Variants in HEATR5B observed in about 807,000 individuals in gnomAD.
HEATR5B encodes the protein HEAT repeat-containing protein 5B.
In HEATR5B, 156 loss-of-function variants were observed where a neutral mutation model predicts 224.1. That is an observed-to-expected ratio of 0.70 (90% CI 0.61 to 0.80). HEATR5B has a LOEUF of 0.80. Among genes scored for constraint, HEATR5B ranks in the 30% least tolerant of loss-of-function variants. The pLI, the probability that HEATR5B is intolerant of heterozygous loss-of-function variation, is 0.00. For missense variants in HEATR5B, 2,323 were observed against 2,535.5 expected, an observed-to-expected ratio of 0.92 and a Z score of 1.80; for synonymous variants, 1,027 against 893.0, an observed-to-expected ratio of 1.15 and a Z score of -2.68.
chr2:37,053,608 C>G lies in HEATR5B; in HGVS notation c.2400-1G>C. 1 of 1,576,840 alleles carries G rather than the reference C, an allele frequency of 6.3e-7. No homozygotes were observed. Among genetic ancestry groups the G allele is most frequent in the Non-Finnish European group, 8.7e-7 (1 of 1,154,580 alleles). ...AGCAAAGTGATCCAACATTTGTAAT[C>G]TATAACAATAAGAAAAAAAAATCAC... On this transcript the variant is annotated splice_acceptor_variant, in intron 16 of 35. Transcript: ENST00000233099. LOFTEE classifies it high-confidence loss of function.
intron 24 of HEATR5B, among the ~76,000 whole-genome samples, chr2:37,023,709 C>G (rs1325271572): frequency 1.3e-5 from 2 of 152,036 alleles, no homozygotes. Context: ...ACCCAGGAGG[C>G]TGAGGCTGCA....
intron 22 of HEATR5B, among the ~76,000 whole-genome samples, chr2:37,030,361 G>C (rs1436802531): frequency 6.6e-6 from 1 of 152,200 alleles, no homozygotes; most frequent in Non-Finnish European, 1.5e-5. Context: ...GCAGTAGATA[G>C]TGAATATTTT....
intron 33 of HEATR5B, among the ~76,000 whole-genome samples, chr2:36,993,800 G>A (rs4670647): frequency 0.54 from 81,671 of 151,562 alleles, 22,255 homozygotes; most frequent in East Asian, 0.67. Flanking sequence ...TTCCTGCCAA[G>A]ATGCATACAT....
At chr2:37,006,354 A>ATTT (rs1351899671) in intron 29 of HEATR5B, among the ~76,000 whole-genome samples, 1 of 152,226 alleles carries the variant, frequency 6.6e-6, no homozygotes, top group East Asian at 1.9e-4. Flanking sequence ...AAATGTTAAA[A>ATTT]AAGCATCTAT....
chr2:37,020,594 A>G, intron 25 of HEATR5B, 61 bp downstream of exon 25: 1 of 1,273,458 alleles, frequency 7.9e-7, no homozygotes. Flanking sequence ...GGAAGTCTGC[A>G]CTTCTTCAGC....
chr2:37,051,030 G>C (rs1207445080), intron 17 of HEATR5B, among the ~76,000 whole-genome samples: 1 of 151,960 alleles, frequency 6.6e-6, no homozygotes, highest in African/African-American at 2.4e-5. Context: ...TGGCGACAGA[G>C]TGAGACTCCG....
At chr2:37,034,379 C>T (rs1194479065) in intron 21 of HEATR5B, among the ~76,000 whole-genome samples, 4 of 140,188 alleles carry the variant, frequency 2.9e-5, no homozygotes, top group African/African-American at 7.7e-5. Flanking sequence ...TTTGGGAGGC[C>T]GAGGCGGGCG....
chr2:37,077,757 C>G (rs1672322350), intron 3 of HEATR5B, among the ~76,000 whole-genome samples: 1 of 152,162 alleles, frequency 6.6e-6, no homozygotes, highest in South Asian at 2.1e-4. Flanking sequence ...TTTTATATGT[C>G]TCTATCTTGT....
rs750565370 is a variant in HEATR5B, at chr2:37,084,304, G to A, written c.-58C>T. On this transcript the variant is annotated 5_prime_UTR_variant, in exon 1 of 36. Transcript: ENST00000233099. ...GGAAGGGAAGATCAGCTGAGCTCCG[G>A]GGGTAGAAGCAGCCACCAAGAGACC... is the stretch of plus-strand genomic sequence containing the variant. 2.5e-6 allele frequency: 1 copy of A among 397,764 alleles called. No individual in the cohort carries two copies. The highest frequency in any genetic ancestry group is 4.4e-6 in the Non-Finnish European group (1 of 226,460). 24.6% of individuals were successfully genotyped at this position (397,764 alleles called of 1,614,324 possible).
At chr2:37,027,225 T>C (rs1427024877) in intron 24 of HEATR5B, among the ~76,000 whole-genome samples, 2 of 152,212 alleles carry the variant, frequency 1.3e-5, no homozygotes, top group Non-Finnish European at 2.9e-5. Context: ...TCTTCAGATA[T>C]TTAAAAAATG....
rs953588821 is a variant in HEATR5B, at chr2:37,005,713, A to C, written c.4824T>G (p.Ile1608Met). Residue 1608 changes from isoleucine to methionine, a missense_variant, in exon 30 of 36, where the codon ATT becomes ATG. Transcript: ENST00000233099. The stretch of plus-strand genomic sequence containing the variant: ...CCTGCAGGCATGCTGTAACATGTTC[A>C]ATGGGCTCCTCAGGTCTAGGGGAAC... ...FLCSPRPEEP[I>M]EHVTACLQAL... The C allele has an allele frequency of 6.2e-7, 1 of 1,610,884 alleles. No homozygotes were observed. Among genetic ancestry groups the C allele is most frequent in the African/African-American group, 1.3e-5 (1 of 74,816 alleles).
chr2:37,014,384 G>T (rs1411794318), intron 26 of HEATR5B, among the ~76,000 whole-genome samples: 1 of 151,382 alleles, frequency 6.6e-6, no homozygotes, highest in Non-Finnish European at 1.5e-5. Context: ...GGATGGTCTC[G>T]ATCTCCTGAC....
Position 36,999,542 on chromosome 2 carries a change from G to A in HEATR5B, c.5545+1044C>T, listed in dbSNP as rs945145638. 5.3e-5 allele frequency among the ~76,000 whole-genome samples: 8 copies of A among 151,790 alleles called. 1 individual carries two copies. The East Asian group carries it at 9.8e-4, about 19-fold the overall frequency. On this transcript the variant is annotated intron_variant, in intron 33 of 35. Coordinates refer to ENST00000233099, the MANE Select transcript of HEATR5B (RefSeq NM_019024.3). ...AAAAATACACACGTTAGCCAGGCAC[G>A]GTTGCGCACACCTGTAGTCCCAGCT...
intron 24 of HEATR5B, among the ~76,000 whole-genome samples, chr2:37,026,827 C>G (rs1259627948): frequency 3.3e-5 from 5 of 152,192 alleles, no homozygotes; most frequent in Admixed American, 1.3e-4. Flanking sequence ...GAGACAGAGT[C>G]TTGCTCTGTC....
chr2:37,016,863 C>A (rs1668148194), intron 26 of HEATR5B, among the ~76,000 whole-genome samples: 1 of 151,840 alleles, frequency 6.6e-6, no homozygotes, highest in Non-Finnish European at 1.5e-5. Flanking sequence ...CTGATTGTTA[C>A]CAATTAAGGA....
chr2:37,020,607 T>A, intron 25 of HEATR5B, 48 bp downstream of exon 25: 1 of 1,389,922 alleles, frequency 7.2e-7, no homozygotes, highest in Non-Finnish European at 9.6e-7. Context: ...TCTTCAGCAA[T>A]CTTTCAAAAG....
intron 35 of HEATR5B, among the ~76,000 whole-genome samples, chr2:36,986,856 A>G (rs1312041953): frequency 6.6e-6 from 1 of 152,130 alleles, no homozygotes; most frequent in East Asian, 1.9e-4. Flanking sequence ...ATCTCAGATG[A>G]TCTGCCTGCC....
intron 7 of HEATR5B, 61 bp from the exon 8 acceptor site, chr2:37,068,991 T>C (rs1572931731): frequency 2.0e-6 from 3 of 1,486,698 alleles, no homozygotes; most frequent in East Asian, 4.6e-5. Flanking sequence ...AAATCAAAGA[T>C]AAAGCAACTA....
chr2:37,004,110 CA>C (rs1033849846), intron 30 of HEATR5B, among the ~76,000 whole-genome samples: 1 of 152,126 alleles, frequency 6.6e-6, no homozygotes, highest in African/African-American at 2.4e-5. Flanking sequence ...GCAACTACTA[CA>C]AACTTTTGCC....
Sources: gnomAD v4.1 joint callset for allele counts (sites outside exome capture counted in the v4.1 genomes callset) on GRCh38, gnomAD v4.1.1 for gene constraint, MANE v1.5 for transcripts, NCBI Gene and HGNC (gene_info 2026-07-23, HGNC 2026-07-21) for gene names.